ADARB2: variants seen among roughly 807,000 people sequenced by gnomAD.
The protein encoded by ADARB2 is inactive double-stranded RNA-specific editase B2.
A neutral mutation model predicts 62.2 loss-of-function variants in ADARB2; 25 were observed. The ratio of observed to expected loss-of-function variants is 0.40; its 90% CI spans 0.29 to 0.56. The LOEUF (loss-of-function observed/expected upper bound fraction) is 0.56, where lower values mean the gene tolerates loss of function less well. ADARB2 is among the 20% of genes least tolerant of loss of function. The pLI, the probability that ADARB2 is intolerant of heterozygous loss-of-function variation, is 0.43. For missense variants in ADARB2, 1,071 were observed against 1,077.4 expected (o/e 0.99, Z 0.08); for synonymous variants, 572 against 500.8 (o/e 1.14, Z -1.90).
chr10:1,355,072 C>T (rs1334356939), intron 3 of ADARB2, among the ~76,000 whole-genome samples: 2 of 152,238 alleles, frequency 1.3e-5, no homozygotes, highest in African/African-American at 4.8e-5. Context: ...ACCACCAGGA[C>T]ATGATGCCCA....
At chr10:1,299,557 G>A (rs1235955888) in intron 3 of ADARB2, among the ~76,000 whole-genome samples, 2 of 151,578 alleles carry the variant, frequency 1.3e-5, no homozygotes, top group Non-Finnish European at 3.0e-5. Context: ...CTGATCGCCT[G>A]TGTGAGATTC....
chr10:1,417,627 C>T (rs962228301), intron 1 of ADARB2, among the ~76,000 whole-genome samples: 2 of 152,206 alleles, frequency 1.3e-5, no homozygotes, highest in African/African-American at 2.4e-5. Flanking sequence ...GGAGTCTGTG[C>T]TCTCTTTTGT....
chr10:1,456,766 T>C (rs1831101189), intron 1 of ADARB2, among the ~76,000 whole-genome samples: 1 of 152,132 alleles, frequency 6.6e-6, no homozygotes, highest in Non-Finnish European at 1.5e-5. Context: ...TGTAAGAAAA[T>C]AGGATCTTCT....
intron 1 of ADARB2, among the ~76,000 whole-genome samples, chr10:1,483,747 C>T (rs1299665696): frequency 6.6e-6 from 1 of 152,238 alleles, no homozygotes. Context: ...ACAGCACCTG[C>T]AGGAGAGACT....
At position 1,531,729 on chromosome 10, in the gene ADARB2, C is replaced by T. The variant is rs138116802; in HGVS notation, c.101-152569G>A. Among the ~76,000 whole-genome samples the T allele has an allele frequency of 2.1e-3, 327 of 152,144 alleles. 2 individuals are homozygous for T. Among genetic ancestry groups the T allele is most frequent in the Non-Finnish European group, 3.9e-3 (264 of 68,008 alleles). ...TCAAATGCCTGTAATCCTAGCTACTCGGGAGGCTGAGGCAGGAGAATCACT... is the reference window on the plus strand; with the variant it reads ...TCAAATGCCTGTAATCCTAGCTACTTGGGAGGCTGAGGCAGGAGAATCACT... On this transcript the variant is annotated intron_variant, in intron 1 of 9. Coordinates refer to ENST00000381312, the MANE Select transcript of ADARB2 (RefSeq NM_018702.4).
At chr10:1,481,329 T>C (rs986403938) in intron 1 of ADARB2, among the ~76,000 whole-genome samples, 1 of 152,152 alleles carries the variant, frequency 6.6e-6, no homozygotes, top group Non-Finnish European at 1.5e-5. Flanking sequence ...CCTAAATATA[T>C]GACCTAAAAC....
chr10:1,535,438 T>C (rs1189761093), intron 1 of ADARB2, among the ~76,000 whole-genome samples: 3 of 152,240 alleles, frequency 2.0e-5, no homozygotes, highest in Non-Finnish European at 4.4e-5. Context: ...AGATTAAATG[T>C]ATCTCCTTCT....
At chr10:1,487,807 A>G (rs1831562440) in intron 1 of ADARB2, among the ~76,000 whole-genome samples, 1 of 152,218 alleles carries the variant, frequency 6.6e-6, no homozygotes, top group African/African-American at 2.4e-5. Context: ...TCAGAAAAAC[A>G]AAAGTGTGGT....
At chr10:1,448,309 C>T (rs1830995787) in intron 1 of ADARB2, among the ~76,000 whole-genome samples, 2 of 152,090 alleles carry the variant, frequency 1.3e-5, no homozygotes, top group Non-Finnish European at 2.9e-5. Context: ...GGTATGGCTC[C>T]CTTTGATATT....
At chr10:1,412,750 G>A (rs1049710088) in intron 1 of ADARB2, among the ~76,000 whole-genome samples, 18 of 152,072 alleles carry the variant, frequency 1.2e-4, no homozygotes, top group African/African-American at 3.1e-4. Flanking sequence ...CACGGCTTTC[G>A]GGGCTCATCC....
chr10:1,252,091 G>A (rs1157919523), intron 4 of ADARB2, among the ~76,000 whole-genome samples: 1 of 152,204 alleles, frequency 6.6e-6, no homozygotes, highest in Non-Finnish European at 1.5e-5. Flanking sequence ...ACAATGTCTG[G>A]GAATGGGCTT....
intron 9 of ADARB2, 132 bp from the exon 10 acceptor site, chr10:1,183,501 G>A: frequency 8.8e-7 from 1 of 1,136,890 alleles, no homozygotes. Context: ...ATTACAGAGA[G>A]CAACTGTGAC....
chr10:1,503,203 G>T (rs147748683), intron 1 of ADARB2, among the ~76,000 whole-genome samples: 4 of 152,190 alleles, frequency 2.6e-5, no homozygotes, highest in Admixed American at 1.3e-4. Flanking sequence ...TCAGGCTTTC[G>T]TGAAGGGATT....
At chr10:1,683,375 A>C (rs1274191975) in intron 1 of ADARB2, among the ~76,000 whole-genome samples, 2 of 152,254 alleles carry the variant, frequency 1.3e-5, no homozygotes, top group East Asian at 1.9e-4. Flanking sequence ...GGAAAGAAGA[A>C]AACCAAACAA....
intron 3 of ADARB2, among the ~76,000 whole-genome samples, chr10:1,312,343 T>G (rs889653747): frequency 9.9e-5 from 15 of 152,124 alleles, no homozygotes; most frequent in Admixed American, 5.9e-4. Context: ...CACCTCCAGG[T>G]CAGAGTGAGC....
At chr10:1,645,218 C>T (rs1032379071) in intron 1 of ADARB2, among the ~76,000 whole-genome samples, 12 of 152,190 alleles carry the variant, frequency 7.9e-5, no homozygotes, top group African/African-American at 1.9e-4. Context: ...TAGCACGATT[C>T]GCTCCATGCT....
chr10:1,500,709 C>A (rs1055059748), intron 1 of ADARB2, among the ~76,000 whole-genome samples: 1 of 152,126 alleles, frequency 6.6e-6, no homozygotes, highest in Non-Finnish European at 1.5e-5. Context: ...AGGTGGGCTG[C>A]ATATTTAGAC....
At chr10:1,260,545 A>T (rs1485821033) in intron 4 of ADARB2, among the ~76,000 whole-genome samples, 3 of 151,908 alleles carry the variant, frequency 2.0e-5, no homozygotes, top group East Asian at 3.9e-4. Flanking sequence ...GTGAACTCCC[A>T]TTCACAATTG....
rs548355134 is a variant in ADARB2, at chr10:1,310,464, G to A, written c.1078-39395C>T. ...ATTCCTTGGATGAAAGAAAAACAGA[G>A]GAAGAAGAGATAAGAATCCATCTAA... On this transcript the variant is annotated intron_variant, in intron 3 of 9. Coordinates refer to ENST00000381312, the MANE Select transcript of ADARB2 (RefSeq NM_018702.4). Among the ~76,000 whole-genome samples, 221 of 150,938 alleles carry A rather than the reference G, an allele frequency of 1.5e-3. 1 individual carries two copies. The highest frequency in any genetic ancestry group is 5.4e-3 in the African/African-American group (217 of 40,290).
Sources: allele counts gnomAD v4.1 joint callset (sites outside exome capture counted in the v4.1 genomes callset), GRCh38; gene constraint gnomAD v4.1.1; transcripts MANE v1.5; gene names NCBI Gene and HGNC (gene_info 2026-07-23, HGNC 2026-07-21).